CRAMP1: variants seen among roughly 807,000 people sequenced by gnomAD.
CRAMP1 encodes the protein protein cramped-like.
CRAMP1 carries 50 observed loss-of-function variants against 115.4 expected under a neutral mutation model. That is an observed-to-expected ratio of 0.43 (90% CI 0.35 to 0.55). CRAMP1 has a LOEUF of 0.55. Ranked by LOEUF, CRAMP1 falls within the 20% of genes least tolerant of loss-of-function variation. The probability of loss-of-function intolerance (pLI) is 0.01; values close to 1 mark genes in which losing one functional copy is unlikely to be tolerated. For synonymous variants in CRAMP1, 866 were observed against 745.4 expected (o/e 1.16, Z -2.64); for missense variants, 1,679 against 1,721.7 (o/e 0.98, Z 0.44).
At chr16:1,615,584 A>G (rs914853958) in intron 2 of CRAMP1, among the ~76,000 whole-genome samples, 15 of 152,230 alleles carry the variant, frequency 9.9e-5, no homozygotes, top group East Asian at 1.9e-4. Context: ...AACGATTGAC[A>G]TGAACAAGCA....
intron 8 of CRAMP1, among the ~76,000 whole-genome samples, chr16:1,654,971 T>C (rs1243007061): frequency 6.6e-6 from 1 of 152,266 alleles, no homozygotes; most frequent in Non-Finnish European, 1.5e-5. Flanking sequence ...GACCTTTTGC[T>C]GGCAAAGAAT....
At chr16:1,670,598 C>A (rs1324977287) in intron 19 of CRAMP1, 66 bp from the exon 20 acceptor site, 1 of 1,571,548 alleles carries the variant, frequency 6.4e-7, no homozygotes, top group East Asian at 2.2e-5. Flanking sequence ...GCCTCAGGAC[C>A]CTTCCGCTGG....
In CRAMP1 at chr16:1,641,122, A is replaced by T. The variant is rs748430601; in HGVS notation, c.779-17A>T. ...AACTACATTGTGGTCTCATTTATTTATTTTTTCCATTTAAAGGTATGGATG... is the reference window on the plus strand; with the variant it reads ...AACTACATTGTGGTCTCATTTATTTTTTTTTTCCATTTAAAGGTATGGATG... On this transcript the variant is annotated splice_polypyrimidine_tract_variant and intron_variant, in intron 5 of 20. Coordinates refer to ENST00000397412, the MANE Select transcript of CRAMP1 (RefSeq NM_020825.4). 12 of 1,592,920 alleles carry T rather than the reference A, an allele frequency of 7.5e-6. No individual in the cohort carries two copies. The African/African-American group carries it at 1.5e-4, about 20-fold the overall frequency.
rs1288080628 is a variant in CRAMP1 at position 1,666,650 on chromosome 16, G to A, written c.3036+50G>A. ...CAGCATTACCACCAACTTCTGGTGT[G>A]GACGCCAAAGCCATGGGGCTGAGAT... On this transcript the variant is annotated intron_variant, in intron 16 of 20. Transcript: ENST00000397412. This position sits in a 1 kb window ranked among gnomAD's most constrained non-coding sequence, Gnocchi z 5.0. The A allele has an allele frequency of 6.5e-7, 1 of 1,539,516 alleles. No individual in the cohort carries two copies. Among genetic ancestry groups the A allele is most frequent in the South Asian group, 1.1e-5 (1 of 88,872 alleles).
At position 1,669,863 on chromosome 16, in the gene CRAMP1, T is replaced by C. The variant is rs2036907834; in HGVS notation, c.3499+698T>C. On this transcript the variant is annotated intron_variant, in intron 19 of 20. Transcript: ENST00000397412. This position sits in a 1 kb window ranked among gnomAD's most constrained non-coding sequence, Gnocchi z 4.6. The stretch of plus-strand genomic sequence containing the variant: ...CCATGCCTGACAGCTCTGAACCAGT[T>C]GGGCGACCTGGGTCTGGGAGGTGCT... 6.6e-6 allele frequency among the ~76,000 whole-genome samples: 1 copy of C among 152,184 alleles called. No homozygotes were observed. The highest frequency in any genetic ancestry group is 2.4e-5 in the African/African-American group (1 of 41,452).
At position 1,660,070 on chromosome 16, in the gene CRAMP1, CT is replaced by C; in HGVS notation, c.2413+8del. ...TCTGCACCCTGCTCCTCAGGTGAGG[CT>C]GTGGCAGCCACACTCCTTGTGCCTG... is the stretch of plus-strand genomic sequence containing the variant. On this transcript the variant is annotated splice_region_variant and intron_variant, in intron 11 of 20. Transcript: ENST00000397412. The C allele has an allele frequency of 6.5e-7, 1 of 1,543,718 alleles. No individual in the cohort carries two copies. Among genetic ancestry groups the C allele is most frequent in the East Asian group, 2.3e-5 (1 of 42,842 alleles).
intron 10 of CRAMP1, among the ~76,000 whole-genome samples, chr16:1,658,395 A>G (rs1432364890): frequency 6.6e-6 from 1 of 152,072 alleles, no homozygotes; most frequent in Non-Finnish European, 1.5e-5. Context: ...GAGGAGAGAC[A>G]TGGCGCCTGT....
In CRAMP1 at chr16:1,676,377, T is replaced by TA. The variant is rs1303715092; in HGVS notation, c.*2333dup. ...GCTTCTCTAGTAACTAGACAGGTGA[T>TA]ACGCATTTGCTTGCCACATTAAGGG... On this transcript the variant is annotated 3_prime_UTR_variant, in exon 21 of 21. Coordinates refer to ENST00000397412, the MANE Select transcript of CRAMP1 (RefSeq NM_020825.4). 3 of 152,302 alleles carry TA rather than the reference T, an allele frequency of 2.0e-5. No homozygotes were observed. Among genetic ancestry groups the TA allele is most frequent in the African/African-American group, 7.2e-5 (3 of 41,462 alleles). 9.4% of individuals were successfully genotyped at this position (152,302 alleles called of 1,614,324 possible). A position where few individuals can be genotyped will look rare whatever the true frequency, so the allele number is the denominator to read the frequency against.
chr16:1,634,715 CTG>C, intron 4 of CRAMP1, among the ~76,000 whole-genome samples: 1 of 152,232 alleles, frequency 6.6e-6, no homozygotes, highest in South Asian at 2.1e-4. Flanking sequence ...TTCAGCAGGG[CTG>C]TCTGCCTCCG....
In CRAMP1 at chr16:1,666,432, C is replaced by A; in HGVS notation, c.2868C>A (p.Asp956Glu). The change falls in exon 16 of 21, where the codon GAC becomes GAA. Residue 956 changes from aspartate to glutamate, a missense_variant. Asp to Glu is a conservative substitution (Grantham distance 45, BLOSUM62 2). Coordinates refer to ENST00000397412, the MANE Select transcript of CRAMP1 (RefSeq NM_020825.4). This position sits in a 1 kb window ranked among gnomAD's most constrained non-coding sequence, Gnocchi z 5.0. ...QATSHLASAI[D>E]LAATSAGILS... ...CCTTTTTGTTGCCAGGTGCTATCGA[C>A]TTAGCAGCTACAAGTGCCGGCATCC... 6.2e-7 allele frequency: 1 copy of A among 1,613,046 alleles called. No homozygotes were observed. The highest frequency in any genetic ancestry group is 2.2e-5 in the East Asian group (1 of 44,864).
chr16:1,650,334 T>C (rs2036712196), intron 6 of CRAMP1, among the ~76,000 whole-genome samples: 2 of 152,258 alleles, frequency 1.3e-5, no homozygotes, highest in South Asian at 4.1e-4. Context: ...TCAGCCAAAC[T>C]GCGGGAGTCA....
chr16:1,659,787 C>G (rs1765672419), intron 10 of CRAMP1, 99 bp from the exon 11 acceptor site: 1 of 1,176,728 alleles, frequency 8.5e-7, no homozygotes, highest in Non-Finnish European at 1.3e-6. Context: ...ACTGTGCTTT[C>G]TGAGCTCGAT....
intron 9 of CRAMP1, among the ~76,000 whole-genome samples, 179 bp downstream of exon 9, chr16:1,655,479 C>T (rs377206426): frequency 3.9e-4 from 59 of 152,278 alleles, no homozygotes; most frequent in African/African-American, 1.4e-3. Context: ...GTGTGGAGCC[C>T]CCTCTGTGGC....
Position 1,662,762 on chromosome 16 carries a change from T to A in CRAMP1, c.2597T>A (p.Met866Lys). The change falls in exon 13 of 21, where the codon ATG (methionine) becomes AAG (lysine). Residue 866 changes from methionine (M) to lysine (K), a missense_variant and splice_region_variant. Coordinates refer to ENST00000397412, the MANE Select transcript of CRAMP1 (RefSeq NM_020825.4). ...GTGCCGGACGCTGCTCCCTTACAGA[T>A]GCAGTCGGATTTCTTCCTGCCAAAG... is the stretch of plus-strand genomic sequence containing the variant. ...TFRQHLNSIS[M>K]QSDFFLPKPR... is the part of the protein sequence containing the mutation. 1.2e-6 allele frequency: 2 copies of A among 1,613,924 alleles called. No individual in the cohort carries two copies. Among genetic ancestry groups the A allele is most frequent in the Non-Finnish European group, 1.7e-6 (2 of 1,179,886 alleles).
intron 8 of CRAMP1, among the ~76,000 whole-genome samples, chr16:1,654,357 G>A (rs892384416): frequency 4.0e-5 from 6 of 151,642 alleles, no homozygotes; most frequent in East Asian, 2.0e-4. Flanking sequence ...GATTACATGC[G>A]CGTGCCACCA....
chr16:1,616,837 C>G (rs1258588406), intron 2 of CRAMP1, among the ~76,000 whole-genome samples: 1 of 149,286 alleles, frequency 6.7e-6, no homozygotes, highest in African/African-American at 2.5e-5. Flanking sequence ...TTTTTTGAGA[C>G]TGAGTCTCAC....
intron 6 of CRAMP1, among the ~76,000 whole-genome samples, chr16:1,648,189 C>A (rs1188615675): frequency 6.6e-6 from 1 of 151,890 alleles, no homozygotes; most frequent in Non-Finnish European, 1.5e-5. Context: ...ACAGGTGCCA[C>A]ATGACACAGC....
At position 1,636,980 on chromosome 16, in the gene CRAMP1, C is replaced by G. The variant is rs113062708; in HGVS notation, c.695-844C>G. The stretch of plus-strand genomic sequence containing the variant: ...CATGACCAGCTGTCCATGTCTCAGC[C>G]TGTTTGCCTCCCAAATAAAACAGGG... On this transcript the variant is annotated intron_variant, in intron 4 of 20. Coordinates refer to ENST00000397412, the MANE Select transcript of CRAMP1 (RefSeq NM_020825.4). Among the ~76,000 whole-genome samples the G allele has an allele frequency of 6.2e-3, 942 of 152,312 alleles. 17 individuals carry two copies. The highest frequency in any genetic ancestry group is 0.022 in the African/African-American group (901 of 41,572).
intron 2 of CRAMP1, among the ~76,000 whole-genome samples, chr16:1,616,790 A>G (rs8045931): frequency 0.023 from 3,429 of 151,488 alleles, 246 homozygotes; most frequent in Admixed American, 0.13. Flanking sequence ...TGACATATCC[A>G]TTATCCCACT....
Sources: allele counts gnomAD v4.1 joint callset (sites outside exome capture counted in the v4.1 genomes callset), GRCh38; gene constraint gnomAD v4.1.1; non-coding constraint Gnocchi (gnomAD v3.1); transcripts MANE v1.5; gene names NCBI Gene and HGNC (gene_info 2026-07-23, HGNC 2026-07-21).